Variants in PRELID2 observed in about 807,000 individuals in gnomAD.
The protein encoded by PRELID2 is PRELI domain-containing protein 2.
In PRELID2, 25 loss-of-function variants were observed where a neutral mutation model predicts 28.4. That is an observed-to-expected ratio of 0.88 (90% CI 0.64 to 1.23). The LOEUF (loss-of-function observed/expected upper bound fraction) is 1.23. PRELID2 is among the 50% of genes most tolerant of loss of function. The pLI, the probability that PRELID2 is intolerant of heterozygous loss-of-function variation, is 0.00. For synonymous variants in PRELID2, 76 were observed against 71.6 expected, an observed-to-expected ratio of 1.06 and a Z score of -0.31; for missense variants, 201 against 214.4, an observed-to-expected ratio of 0.94 and a Z score of 0.39.
At chr5:145,495,317 C>T (rs1752300918) in intron 1 of PRELID2, among the ~76,000 whole-genome samples, 1 of 152,180 alleles carries the variant, frequency 6.6e-6, no homozygotes, top group South Asian at 2.1e-4. Context: ...GGATATAACA[C>T]AGTGTGAATT....
At chr5:145,740,571 AATATATATATTATATATATAAAT>A (rs869295957) in intron 1 of PRELID2, among the ~76,000 whole-genome samples, 5,087 of 28,928 alleles carry the variant, frequency 0.18, 238 homozygotes, top group East Asian at 0.47. Context: ...GTACCCATGA[AATATATATATTATATATATAAAT>A]ATATATATAT....
At chr5:145,462,637 G>A in the PRELID2 span, among the ~76,000 whole-genome samples, 1 of 152,180 alleles carries the variant, frequency 6.6e-6, no homozygotes, top group Non-Finnish European at 1.5e-5. Context: ...CTGGCTTCAG[G>A]TTGGCTTTGG....
intron 1 of PRELID2, among the ~76,000 whole-genome samples, chr5:145,694,475 C>A (rs1340230055): frequency 6.6e-6 from 1 of 151,852 alleles, no homozygotes; most frequent in East Asian, 1.9e-4. Flanking sequence ...TAATAAAACA[C>A]CATGTTTAAA....
At chr5:145,405,072 T>C in the PRELID2 span, among the ~76,000 whole-genome samples, 2 of 152,094 alleles carry the variant, frequency 1.3e-5, no homozygotes, top group Non-Finnish European at 2.9e-5. Context: ...ATAAAAAAAC[T>C]TCAAGTGCCA....
At chr5:145,765,385 T>C (rs1232994671) in intron 5 of PRELID2, among the ~76,000 whole-genome samples, 1 of 152,160 alleles carries the variant, frequency 6.6e-6, no homozygotes, top group African/African-American at 2.4e-5. Context: ...TTATGTGCAT[T>C]ACCTGGGGGT....
At chr5:145,460,521 C>G in the PRELID2 span, among the ~76,000 whole-genome samples, 1 of 152,168 alleles carries the variant, frequency 6.6e-6, no homozygotes, top group African/African-American at 2.4e-5. Flanking sequence ...GGCCCTAGAT[C>G]CAACTTTACA....
chr5:145,247,824 C>T, the PRELID2 span, among the ~76,000 whole-genome samples: 1 of 152,136 alleles, frequency 6.6e-6, no homozygotes, highest in Admixed American at 6.6e-5. Context: ...GTCTCTGAGA[C>T]ATCCTACATT....
intron 1 of PRELID2, among the ~76,000 whole-genome samples, chr5:145,720,581 TC>T (rs1022846157): frequency 2.6e-5 from 4 of 151,726 alleles, no homozygotes; most frequent in African/African-American, 9.7e-5. Flanking sequence ...ACTTGGAGAG[TC>T]CTGTATTCAT....
the PRELID2 span, among the ~76,000 whole-genome samples, chr5:145,331,662 T>C: frequency 2.1e-4 from 32 of 152,264 alleles, no homozygotes; most frequent in African/African-American, 7.5e-4. Context: ...CCTATGTGTG[T>C]CTTTGCATGT....
At chr5:145,416,187 T>C in the PRELID2 span, among the ~76,000 whole-genome samples, 1 of 152,170 alleles carries the variant, frequency 6.6e-6, no homozygotes, top group Non-Finnish European at 1.5e-5. Flanking sequence ...ATTAGCCCTT[T>C]GTCAGATGAG....
the PRELID2 span, among the ~76,000 whole-genome samples, chr5:145,257,444 G>C: frequency 6.6e-6 from 1 of 151,856 alleles, no homozygotes; most frequent in Non-Finnish European, 1.5e-5. Context: ...GCAAAAAGCA[G>C]GCATGAAAGA....
Position 145,824,666 on chromosome 5 carries a change from G to A in PRELID2, c.76-1532C>T, listed in dbSNP as rs572987822. 2.0e-4 allele frequency among the ~76,000 whole-genome samples: 31 copies of A among 152,120 alleles called. No individual in the cohort carries two copies. In the South Asian group the frequency reaches 5.2e-3, roughly 25 times the overall value. ...AAAAGCACTCAGTCAATATTTTCTG[G>A]ATAAATAAAAAATTGGGAATATAAA... On this transcript the variant is annotated intron_variant, in intron 1 of 6. Transcript: ENST00000683046.
intron 1 of PRELID2, among the ~76,000 whole-genome samples, chr5:145,649,924 T>C (rs1011768331): frequency 6.6e-6 from 1 of 152,248 alleles, no homozygotes; most frequent in African/African-American, 2.4e-5. Context: ...TTGTTTCTTG[T>C]TGTTTGGGTC....
intron 1 of PRELID2, among the ~76,000 whole-genome samples, chr5:145,540,144 A>G (rs1752733708): frequency 6.6e-6 from 1 of 151,944 alleles, no homozygotes; most frequent in Non-Finnish European, 1.5e-5. Context: ...ACCTGTTTGT[A>G]TGTATTCTAT....
At chr5:145,496,865 T>C (rs1276246791) in intron 1 of PRELID2, among the ~76,000 whole-genome samples, 1 of 152,034 alleles carries the variant, frequency 6.6e-6, no homozygotes, top group Non-Finnish European at 1.5e-5. Flanking sequence ...TAATTTGGTT[T>C]TGTTCGTTTT....
intron 1 of PRELID2, among the ~76,000 whole-genome samples, chr5:145,744,732 G>A (rs1756942055): frequency 6.6e-6 from 1 of 152,012 alleles, no homozygotes; most frequent in Non-Finnish European, 1.5e-5. Context: ...ATCGAAACTA[G>A]ACAAACTCAC....
the PRELID2 span, among the ~76,000 whole-genome samples, chr5:145,282,412 C>T: frequency 6.6e-6 from 1 of 152,030 alleles, no homozygotes; most frequent in African/African-American, 2.4e-5. Context: ...AATATAACTA[C>T]ATTTAAGACA....
intron 1 of PRELID2, among the ~76,000 whole-genome samples, chr5:145,489,013 GA>G (rs1300696162): frequency 1.3e-5 from 2 of 152,034 alleles, no homozygotes; most frequent in African/African-American, 4.8e-5. Flanking sequence ...TTCATACCAG[GA>G]ATTTGAATCT....
intron 1 of PRELID2, among the ~76,000 whole-genome samples, chr5:145,522,515 G>C (rs1356105974): frequency 2.6e-5 from 4 of 152,062 alleles, no homozygotes; most frequent in Admixed American, 1.3e-4. Flanking sequence ...CTTCTGTATA[G>C]TATTTCATTA....
Sources: allele counts gnomAD v4.1 joint callset (sites outside exome capture counted in the v4.1 genomes callset), GRCh38; gene constraint gnomAD v4.1.1; transcripts MANE v1.5; gene names NCBI Gene and HGNC (gene_info 2026-07-23, HGNC 2026-07-21).